Variants in CPEB4 observed in about 807,000 individuals in gnomAD.
CPEB4 encodes cytoplasmic polyadenylation element-binding protein 4.
A neutral mutation model predicts 72.5 loss-of-function variants in CPEB4; 12 were observed. The observed-to-expected ratio is 0.17, with a 90% CI of 0.11 to 0.27. The LOEUF (loss-of-function observed/expected upper bound fraction) is 0.27. Among genes scored for constraint, CPEB4 ranks in the 10% least tolerant of loss-of-function variants. The probability of loss-of-function intolerance (pLI) is 1.00; values close to 1 mark genes in which losing one functional copy is unlikely to be tolerated. For synonymous variants in CPEB4, 302 were observed against 326.3 expected (o/e 0.93, Z 0.80); for missense variants, 614 against 908.5 (o/e 0.68, Z 4.17).
chr5:173,947,497 C>T (rs1442505004), intron 5 of CPEB4, among the ~76,000 whole-genome samples: 2 of 151,934 alleles, frequency 1.3e-5, no homozygotes, highest in Admixed American at 1.3e-4. Context: ...GTAGAGGAGG[C>T]TATAGGGGAA....
rs138731151 is a variant in CPEB4 at position 173,951,281 on chromosome 5, C to T, written c.1666-543C>T. On this transcript the variant is annotated intron_variant, in intron 7 of 9. Transcript: ENST00000265085. ...AATGAGGTACATGATTCTTGATTGACTTATCTAATGGATACACTGAAGTAT... is the reference window on the plus strand; with the variant it reads ...AATGAGGTACATGATTCTTGATTGATTTATCTAATGGATACACTGAAGTAT... 4.3e-3 allele frequency among the ~76,000 whole-genome samples: 656 copies of T among 152,056 alleles called. 4 individuals carry two copies. The highest frequency in any genetic ancestry group is 0.015 in the African/African-American group (623 of 41,512).
At chr5:173,904,376 A>G (rs1457691707) in intron 1 of CPEB4, among the ~76,000 whole-genome samples, 1 of 152,236 alleles carries the variant, frequency 6.6e-6, no homozygotes, top group Non-Finnish European at 1.5e-5. Flanking sequence ...TGGTTAGTAG[A>G]TAACCCAGAG....
intron 1 of CPEB4, among the ~76,000 whole-genome samples, chr5:173,902,905 A>G (rs1300181814): frequency 6.6e-6 from 1 of 152,198 alleles, no homozygotes. Flanking sequence ...TGATGATGTG[A>G]CTTGATAAAT....
intron 1 of CPEB4, among the ~76,000 whole-genome samples, chr5:173,904,351 C>T (rs1173952638): frequency 7.2e-5 from 11 of 152,114 alleles, no homozygotes; most frequent in Non-Finnish European, 1.3e-4. Context: ...ACTGTTACTA[C>T]CACCAGTACT....
Position 173,888,425 on chromosome 5 carries a change from C to T in CPEB4, c.-1309C>T. On this transcript the variant is annotated 5_prime_UTR_variant, in exon 1 of 10. Coordinates refer to ENST00000265085, the MANE Select transcript of CPEB4 (RefSeq NM_030627.4). The surrounding 1 kb of genome is among the most constrained non-coding windows in gnomAD (Gnocchi z 4.3). ...CACCGGGAGGCGGTGGCGGCGGCGG[C>T]GGCGGCAGCAGCGGCGACAGCAGAG... 2 of 458,954 alleles carry T rather than the reference C, an allele frequency of 4.4e-6. No homozygotes were observed. The highest frequency in any genetic ancestry group is 3.8e-6 in the Non-Finnish European group (1 of 265,772). The allele number at this position is 458,954 out of a possible 1,614,324, so 28.4% of individuals were successfully genotyped here.
intron 1 of CPEB4, among the ~76,000 whole-genome samples, chr5:173,901,802 G>T (rs909878694): frequency 6.6e-6 from 1 of 152,192 alleles, no homozygotes; most frequent in Admixed American, 6.5e-5. Context: ...GAGCCAGGAG[G>T]AACATGTTAG....
At chr5:173,934,866 T>C (rs1757568108) in intron 3 of CPEB4, among the ~76,000 whole-genome samples, 1 of 152,242 alleles carries the variant, frequency 6.6e-6, no homozygotes, top group Admixed American at 6.5e-5. Flanking sequence ...CTGTCAGTCA[T>C]GTTTGTGAAA....
intron 5 of CPEB4, among the ~76,000 whole-genome samples, chr5:173,948,159 C>T (rs1308801797): frequency 6.6e-6 from 1 of 151,984 alleles, no homozygotes; most frequent in African/African-American, 2.4e-5. Flanking sequence ...TTCTACTGCA[C>T]AATACTAACT....
intron 8 of CPEB4, among the ~76,000 whole-genome samples, chr5:173,952,751 G>A (rs1216200882): frequency 6.6e-6 from 1 of 152,134 alleles, no homozygotes; most frequent in African/African-American, 2.4e-5. Context: ...ACATGGCACA[G>A]AGCAGGCAAA....
intron 3 of CPEB4, among the ~76,000 whole-genome samples, chr5:173,934,105 G>A (rs775105966): frequency 8.5e-4 from 130 of 152,082 alleles, no homozygotes; most frequent in Non-Finnish European, 1.5e-3. Flanking sequence ...GGATTGCTTG[G>A]GCCGAGGAGG....
chr5:173,932,542 G>A, intron 3 of CPEB4, 42 bp downstream of exon 3: 1 of 1,446,670 alleles, frequency 6.9e-7, no homozygotes, highest in Non-Finnish European at 9.7e-7. Context: ...GCACAAAACT[G>A]ATACAGTAGT....
intron 1 of CPEB4, among the ~76,000 whole-genome samples, chr5:173,905,239 G>A (rs550147783): frequency 6.0e-4 from 91 of 151,998 alleles, no homozygotes; most frequent in African/African-American, 2.1e-3. Context: ...TCTGAAAGCA[G>A]CACACTTCAC....
At chr5:173,921,514 C>T (rs1757071475) in intron 2 of CPEB4, among the ~76,000 whole-genome samples, 1 of 152,212 alleles carries the variant, frequency 6.6e-6, no homozygotes, top group Admixed American at 6.5e-5. Context: ...CATTTTGGAG[C>T]TTCCTGACAT....
At chr5:173,935,897 C>T (rs1319882448) in intron 3 of CPEB4, among the ~76,000 whole-genome samples, 1 of 152,086 alleles carries the variant, frequency 6.6e-6, no homozygotes, top group Non-Finnish European at 1.5e-5. Flanking sequence ...TTTTTTTGCC[C>T]TGCTCGATCA....
At chr5:173,905,019 A>AATAATAAT (rs1561608981) in intron 1 of CPEB4, among the ~76,000 whole-genome samples, 15 of 40,796 alleles carry the variant, frequency 3.7e-4, no homozygotes, top group Admixed American at 6.8e-4. Flanking sequence ...ATAATAATAA[A>AATAATAAT]AAAATGTAAC....
intron 2 of CPEB4, among the ~76,000 whole-genome samples, chr5:173,912,918 CAA>C (rs397959791): frequency 6.4e-4 from 57 of 88,948 alleles, no homozygotes; most frequent in Non-Finnish European, 1.0e-3. Flanking sequence ...GACCCTGTCT[CAA>C]AAAAAAAAAA....
chr5:173,925,279 G>A lies in CPEB4; in HGVS notation c.1208-7171G>A, dbSNP rs576301920. Among the ~76,000 whole-genome samples the A allele has an allele frequency of 1.1e-3, 175 of 152,268 alleles. 1 individual carries two copies. Among genetic ancestry groups the A allele is most frequent in the Non-Finnish European group, 2.0e-3 (133 of 68,018 alleles). ...GAAAGCCAAATTTGTAGCAGAGAAGGGTTTTGTTTAGCCTAAACTCTGTGT... is the reference window on the plus strand; with the variant it reads ...GAAAGCCAAATTTGTAGCAGAGAAGAGTTTTGTTTAGCCTAAACTCTGTGT... On this transcript the variant is annotated intron_variant, in intron 2 of 9. Transcript: ENST00000265085.
chr5:173,890,636 G>T lies in CPEB4; in HGVS notation c.903G>T (p.Pro301=). 1.2e-6 allele frequency: 2 copies of T among 1,614,014 alleles called. No homozygotes were observed. Among genetic ancestry groups the T allele is most frequent in the Non-Finnish European group, 1.7e-6 (2 of 1,179,948 alleles). ...CAACACCCTCCTCTTCCTGGAGCCC[G>T]GGCGGTGGTGGATATGGTGGCTGGG... is the stretch of plus-strand genomic sequence containing the variant. The part of the protein sequence containing the change: ...PSPTPSSSWS[P]GGGGYGGWGG... The change falls in exon 1 of 10, where the codon CCG becomes CCT. Residue 301 remains proline, a synonymous_variant. Coordinates refer to ENST00000265085, the MANE Select transcript of CPEB4 (RefSeq NM_030627.4).
At position 173,890,711 on chromosome 5, in the gene CPEB4, G is replaced by C; in HGVS notation, c.978G>C (p.Thr326=). Residue 326 remains threonine, a synonymous_variant, in exon 1 of 10, where the codon ACG becomes ACC. Coordinates refer to ENST00000265085, the MANE Select transcript of CPEB4 (RefSeq NM_030627.4). ...GCAGAGGGCTGAATGGTGGAATAAC[G>C]CCCCTGAACTCCATCTCGCCTTTGA... ...DHRRGLNGGI[T]PLNSISPLKK... is the part of the protein sequence containing the mutation. 6.2e-7 allele frequency: 1 copy of C among 1,614,134 alleles called. No individual in the cohort carries two copies. The highest frequency in any genetic ancestry group is 8.5e-7 in the Non-Finnish European group (1 of 1,180,028).
Sources: allele counts gnomAD v4.1 joint callset (sites outside exome capture counted in the v4.1 genomes callset), GRCh38; gene constraint gnomAD v4.1.1; non-coding constraint Gnocchi (gnomAD v3.1); transcripts MANE v1.5; gene names NCBI Gene and HGNC (gene_info 2026-07-23, HGNC 2026-07-21).